MED14: variants seen among roughly 807,000 people sequenced by gnomAD.
MED14 encodes the protein mediator complex subunit 14.
Under a neutral mutation model 109.0 loss-of-function variants are expected in MED14, and 8 were observed. That is an observed-to-expected ratio of 0.07 (90% CI 0.04 to 0.13). The LOEUF (loss-of-function observed/expected upper bound fraction) is 0.13, where lower values mean the gene tolerates loss of function less well. Among genes scored for constraint, MED14 ranks in the 10% least tolerant of loss-of-function variants. The pLI, the probability that MED14 is intolerant of heterozygous loss-of-function variation, is 1.00. For missense variants in MED14, 711 were observed against 1,142.4 expected (o/e 0.62, Z 5.44); for synonymous variants, 399 against 408.7 (o/e 0.98, Z 0.29).
intron 3 of MED14, among the ~76,000 whole-genome samples, chrX:40,725,039 T>C (rs1039785333): frequency 4.5e-5 from 5 of 111,797 alleles, no homozygotes; most frequent in African/African-American, 1.6e-4. Flanking sequence ...AGCAACTATA[T>C]GACAATAAAT....
chrX:40,700,938 G>A lies in MED14; in HGVS notation c.1490+227C>T, dbSNP rs185819475. On this transcript the variant is annotated intron_variant, in intron 12 of 30. Transcript: ENST00000324817. ...ATGTGGTAAGGGATGAAAGCTGAGT[G>A]TTATGCCCTTCACACCTATATTTGC... Among the ~76,000 whole-genome samples, 352 of 111,496 alleles carry A rather than the reference G, an allele frequency of 3.2e-3. 2 individuals carry two copies. Among genetic ancestry groups the A allele is most frequent in the Non-Finnish European group, 4.6e-3 (246 of 53,055 alleles).
chrX:40,668,383 CAAAAAAAAAA>C lies in MED14; in HGVS notation c.3134-1542_3134-1533del, dbSNP rs779386609. On this transcript the variant is annotated intron_variant, in intron 23 of 30. Coordinates refer to ENST00000324817, the MANE Select transcript of MED14 (RefSeq NM_004229.4). ...GTACGACAGAGCAAGACTCTGTCTCCAAAAAAAAAAAAAAAAAAAAAATCAAAGAAAAAAG... is the reference window on the plus strand; with the variant it reads ...GTACGACAGAGCAAGACTCTGTCTCCAAAAAAAAAAAATCAAAGAAAAAAG... 2.1e-3 allele frequency among the ~76,000 whole-genome samples: 92 copies of C among 43,308 alleles called. 1 individual carries two copies. Among genetic ancestry groups the C allele is most frequent in the African/African-American group, 9.3e-3 (91 of 9,769 alleles). 37.6% of individuals were successfully genotyped at this position (43,308 alleles called of 115,157 possible). A position where few individuals can be genotyped will look rare whatever the true frequency, so the allele number is the denominator to read the frequency against.
upstream of MED14, chrX:40,735,890 C>A (rs933893564): frequency 1.2e-4 from 32 of 266,788 alleles, no homozygotes; most frequent in Non-Finnish European, 1.9e-4. Context: ...AAAAGGGAGC[C>A]GCGCGCCGCC....
intron 16 of MED14, among the ~76,000 whole-genome samples, chrX:40,687,981 G>A (rs186708791): frequency 6.3e-5 from 7 of 111,983 alleles, no homozygotes; most frequent in Non-Finnish European, 1.1e-4. Flanking sequence ...TTGGGAGGCC[G>A]AGGTGGGTGG....
chrX:40,689,466 G>A (rs1280211157), intron 15 of MED14, among the ~76,000 whole-genome samples: 1 of 111,465 alleles, frequency 9.0e-6, no homozygotes, highest in East Asian at 2.8e-4. Flanking sequence ...GGCCGAGGCA[G>A]TTGGATCACC....
At chrX:40,671,187 A>T (rs906903106) in intron 23 of MED14, among the ~76,000 whole-genome samples, 1 of 111,749 alleles carries the variant, frequency 8.9e-6, no homozygotes, top group African/African-American at 3.3e-5. Context: ...GCTAGATGAT[A>T]AGCTCAAGAG....
intron 12 of MED14, among the ~76,000 whole-genome samples, chrX:40,698,153 T>C (rs1930788920): frequency 8.9e-6 from 1 of 112,468 alleles, no homozygotes; most frequent in African/African-American, 3.2e-5. Context: ...CTAAAATTTA[T>C]TTCAAATCTC....
chrX:40,678,040 T>C (rs1342981753), intron 21 of MED14, among the ~76,000 whole-genome samples: 1 of 110,948 alleles, frequency 9.0e-6, no homozygotes, highest in Non-Finnish European at 1.9e-5. Flanking sequence ...TTCAAATTAA[T>C]TCCCCACCCC....
chrX:40,687,906 G>A lies in MED14; in HGVS notation c.2057+548C>T, dbSNP rs183474103. The stretch of plus-strand genomic sequence containing the variant: ...GCTGAACGAATCAAAGAAATGCAGA[G>A]AAAAGACATCCAAAAATACCAAGTG... On this transcript the variant is annotated intron_variant, in intron 16 of 30. Transcript: ENST00000324817. Among the ~76,000 whole-genome samples, 366 of 112,123 alleles carry A rather than the reference G, an allele frequency of 3.3e-3. 1 individual carries two copies. Among genetic ancestry groups the A allele is most frequent in the African/African-American group, 0.012 (356 of 30,875 alleles).
At chrX:40,672,981 T>C (rs1356262133) in intron 22 of MED14, among the ~76,000 whole-genome samples, 1 of 112,528 alleles carries the variant, frequency 8.9e-6, no homozygotes, top group African/African-American at 3.2e-5. Context: ...GACTAGCTTA[T>C]GCACTAAAAC....
intron 20 of MED14, 73 bp from the exon 21 acceptor site, chrX:40,680,206 A>G: frequency 9.5e-7 from 1 of 1,057,766 alleles, no homozygotes; most frequent in South Asian, 2.2e-5. Context: ...TTCAGTGTAT[A>G]ACTGTCAAAA....
chrX:40,702,523 T>A (rs1386729791), intron 11 of MED14, among the ~76,000 whole-genome samples: 5 of 110,009 alleles, frequency 4.5e-5, no homozygotes, highest in Admixed American at 9.7e-5. Flanking sequence ...ATTTTTTGTG[T>A]TTTTAGTAGA....
chrX:40,735,636 G>T (rs1276062289), upstream of MED14: 62 of 496,080 alleles, frequency 1.2e-4, no homozygotes, highest in East Asian at 8.8e-4. Flanking sequence ...AGGCGGGGAT[G>T]GGGGGGAAGC....
chrX:40,713,992 C>T (rs888446349), intron 4 of MED14, 85 bp from the exon 5 acceptor site: 93 of 946,768 alleles, frequency 9.8e-5, no homozygotes, highest in East Asian at 5.2e-4. Flanking sequence ...TACAGTGTTG[C>T]GTACTTTACC....
At chrX:40,654,230 G>A (rs952264937) in intron 30 of MED14, 134 bp downstream of exon 30, 3 of 519,999 alleles carry the variant, frequency 5.8e-6, no homozygotes, top group East Asian at 3.7e-5. Flanking sequence ...AGAGGGCCAC[G>A]GCAACCAGAC....
Position 40,689,421 on chromosome X carries a change from C to T in MED14, c.1981-891G>A, listed in dbSNP as rs1014088078. On this transcript the variant is annotated intron_variant, in intron 15 of 30. Transcript: ENST00000324817. ...AGATATATAAACATCCGGCCAGATG[C>T]GGTGGCTCACACCTGTAATCCCAGC... 5.4e-5 allele frequency among the ~76,000 whole-genome samples: 6 copies of T among 111,853 alleles called. No individual in the cohort carries two copies. The East Asian group carries it at 1.7e-3, about 31-fold the overall frequency.
intron 11 of MED14, 27 bp from the exon 12 acceptor site, chrX:40,701,270 A>G: frequency 9.9e-7 from 1 of 1,013,473 alleles, no homozygotes; most frequent in Non-Finnish European, 1.4e-6. Context: ...TTCATTAATT[A>G]ATTGCTTATA....
chrX:40,672,010 A>C, intron 22 of MED14, 38 bp from the exon 23 acceptor site: 1 of 882,193 alleles, frequency 1.1e-6, no homozygotes, highest in South Asian at 2.2e-5. Context: ...AAAATGGCCA[A>C]CCGCACGGAG....
At chrX:40,680,671 G>A (rs1930077637) in intron 20 of MED14, 87 bp downstream of exon 20, 1 of 802,959 alleles carries the variant, frequency 1.2e-6, no homozygotes, top group Non-Finnish European at 1.8e-6. Flanking sequence ...TTCCGCCTCG[G>A]CCTCCCAAAG....
Sources: allele counts gnomAD v4.1 joint callset (sites outside exome capture counted in the v4.1 genomes callset), GRCh38; gene constraint gnomAD v4.1.1; transcripts MANE v1.5; gene names NCBI Gene and HGNC (gene_info 2026-07-23, HGNC 2026-07-21).